SEMA3A: variants seen among roughly 807,000 people sequenced by gnomAD.
SEMA3A encodes the protein semaphorin 3A.
A neutral mutation model predicts 97.9 loss-of-function variants in SEMA3A; 29 were observed. The ratio of observed to expected loss-of-function variants is 0.30; its 90% CI spans 0.22 to 0.40. The LOEUF is 0.40. Ranked by LOEUF, SEMA3A falls within the 10% of genes least tolerant of loss-of-function variation. SEMA3A has a pLI of 1.00. For synonymous variants in SEMA3A, 321 were observed against 323.7 expected (o/e 0.99, Z 0.09); for missense variants, 763 against 951.3 (o/e 0.80, Z 2.60).
At chr7:84,273,146 A>C (rs1216373693) in intron 3 of SEMA3A, among the ~76,000 whole-genome samples, 1 of 152,122 alleles carries the variant, frequency 6.6e-6, no homozygotes, top group Non-Finnish European at 1.5e-5. Context: ...GATGTAGAGG[A>C]ATGCCCAAAT....
chr7:83,976,343 TAA>T (rs1376875093), intron 15 of SEMA3A, among the ~76,000 whole-genome samples: 1 of 152,216 alleles, frequency 6.6e-6, no homozygotes, highest in Non-Finnish European at 1.5e-5. Context: ...ATAATTATGT[TAA>T]GTGACAATGT....
chr7:84,432,941 T>C (rs1276263418), intron 1 of SEMA3A, among the ~76,000 whole-genome samples: 1 of 151,674 alleles, frequency 6.6e-6, no homozygotes, highest in Non-Finnish European at 1.5e-5. Context: ...TGAATGGTAG[T>C]TCTGCTTTAA....
At chr7:84,447,300 T>C (rs1027872464) in intron 1 of SEMA3A, among the ~76,000 whole-genome samples, 2 of 152,058 alleles carry the variant, frequency 1.3e-5, no homozygotes, top group African/African-American at 4.8e-5. Context: ...ACATGATTGA[T>C]TGGTAACAGG....
At chr7:84,010,865 C>G (rs1409299905) in intron 9 of SEMA3A, among the ~76,000 whole-genome samples, 157 bp downstream of exon 9, 1 of 152,046 alleles carries the variant, frequency 6.6e-6, no homozygotes, top group East Asian at 1.9e-4. Context: ...CAAACATCTA[C>G]GTAGATCATA....
Position 84,060,497 on chromosome 7 carries a change from T to C in SEMA3A, c.515A>G (p.Asp172Gly). 1 of 1,595,212 alleles carries C rather than the reference T, an allele frequency of 6.3e-7. No individual in the cohort carries two copies. The highest frequency in any genetic ancestry group is 8.5e-7 in the Non-Finnish European group (1 of 1,172,948). Residue 172 changes from aspartate (D) to glycine (G), a missense_variant, in exon 5 of 17, where the codon GAC becomes GGC. Around this residue, in one of 2 missense-constraint regions of SEMA3A, gnomAD observed 678 missense variants for 881.3 expected, o/e 0.77. Coordinates refer to ENST00000265362, the MANE Select transcript of SEMA3A (RefSeq NM_006080.3). ...AAGGGATGCTGTCAGCAGCTTAGGGTCATATGGACTCTTCCCACGGCCGTT... is the reference window on the plus strand; with the variant it reads ...AAGGGATGCTGTCAGCAGCTTAGGGCCATATGGACTCTTCCCACGGCCGTT... The part of the protein sequence containing the change: ...FENGRGKSPY[D>G]PKLLTASLLI...
chr7:84,300,305 C>G (rs1267453768), intron 3 of SEMA3A, among the ~76,000 whole-genome samples: 3 of 151,796 alleles, frequency 2.0e-5, no homozygotes, highest in Admixed American at 2.0e-4. Context: ...TATAAATACA[C>G]AGAAAATTTC....
intron 1 of SEMA3A, among the ~76,000 whole-genome samples, chr7:84,426,833 T>C (rs1804840966): frequency 6.6e-6 from 1 of 152,154 alleles, no homozygotes; most frequent in Non-Finnish European, 1.5e-5. Flanking sequence ...GACTTATAAA[T>C]TTTTTCTTAA....
intron 1 of SEMA3A, among the ~76,000 whole-genome samples, chr7:84,137,689 T>TAAAAAAAAAAAAAAAAA (rs58880773): frequency 1.2e-5 from 1 of 85,276 alleles, no homozygotes; most frequent in Non-Finnish European, 2.3e-5. Flanking sequence ...GGCCAAACTT[T>TAAAAAAAAAAAAAAAAA]AAAAAAAAAA....
intron 1 of SEMA3A, among the ~76,000 whole-genome samples, chr7:84,441,339 A>G (rs972605745): frequency 2.6e-5 from 4 of 152,020 alleles, no homozygotes; most frequent in African/African-American, 7.2e-5. Flanking sequence ...AACATCAATA[A>G]AGAGATAGAA....
At chr7:84,439,745 A>G (rs1339277150) in intron 1 of SEMA3A, among the ~76,000 whole-genome samples, 1 of 152,228 alleles carries the variant, frequency 6.6e-6, no homozygotes, top group Admixed American at 6.5e-5. Context: ...AAATGATAGT[A>G]CATATATAGT....
intron 1 of SEMA3A, among the ~76,000 whole-genome samples, chr7:84,462,130 AT>A (rs1444320778): frequency 1.3e-5 from 2 of 152,152 alleles, no homozygotes; most frequent in East Asian, 3.8e-4. Context: ...CCACCTTAAC[AT>A]TTATAAAGCA....
At chr7:84,136,969 G>A (rs1266474966) in intron 1 of SEMA3A, among the ~76,000 whole-genome samples, 4 of 99,160 alleles carry the variant, frequency 4.0e-5, no homozygotes, top group Non-Finnish European at 8.7e-5. Flanking sequence ...AAGAAGGAAG[G>A]AAGGAAGGAA....
intron 6 of SEMA3A, among the ~76,000 whole-genome samples, chr7:84,017,714 C>A (rs62473925): frequency 0.23 from 34,375 of 152,060 alleles, 4,199 homozygotes; most frequent in Non-Finnish European, 0.28. Context: ...TTCAGTCCCA[C>A]AAACGTTGCC....
intron 6 of SEMA3A, among the ~76,000 whole-genome samples, chr7:84,045,400 A>C (rs1792308961): frequency 6.6e-6 from 1 of 151,798 alleles, no homozygotes; most frequent in Admixed American, 6.6e-5. Context: ...GGGTGGCTTT[A>C]TTTTTTAAGA....
chr7:84,122,643 T>A (rs967953483), intron 3 of SEMA3A, among the ~76,000 whole-genome samples: 10 of 152,176 alleles, frequency 6.6e-5, no homozygotes, highest in East Asian at 1.9e-4. Context: ...AAATAAAATT[T>A]AAAAAATTGA....
At chr7:84,027,008 A>G (rs982071333) in intron 6 of SEMA3A, among the ~76,000 whole-genome samples, 3 of 152,182 alleles carry the variant, frequency 2.0e-5, no homozygotes, top group Non-Finnish European at 4.4e-5. Context: ...TAAAAGTTAA[A>G]AAAAAAACTG....
intron 3 of SEMA3A, among the ~76,000 whole-genome samples, chr7:84,277,703 G>A (rs977045564): frequency 5.9e-5 from 9 of 152,010 alleles, no homozygotes; most frequent in African/African-American, 1.9e-4. Flanking sequence ...CTTCAGGGGG[G>A]GCCTCAGGAA....
chr7:84,068,220 C>T (rs1311446709), intron 4 of SEMA3A, among the ~76,000 whole-genome samples: 5 of 142,818 alleles, frequency 3.5e-5, no homozygotes, highest in African/African-American at 1.4e-4. Flanking sequence ...GGGAATTGAA[C>T]AATGAGATCA....
At chr7:84,136,193 T>C (rs913821228) in intron 1 of SEMA3A, among the ~76,000 whole-genome samples, 1 of 152,092 alleles carries the variant, frequency 6.6e-6, no homozygotes, top group African/African-American at 2.4e-5. Context: ...TCCAGAAAAA[T>C]GTAGAATGCG....
Sources: allele counts gnomAD v4.1 joint callset (sites outside exome capture counted in the v4.1 genomes callset), GRCh38; gene constraint gnomAD v4.1.1; regional missense constraint gnomAD v4.1.1; transcripts MANE v1.5; gene names NCBI Gene and HGNC (gene_info 2026-07-23, HGNC 2026-07-21).